ANGPTL1: variants seen among roughly 807,000 people sequenced by gnomAD.
ANGPTL1 encodes angiopoietin-related protein 1.
In ANGPTL1, 36 loss-of-function variants were observed where a neutral mutation model predicts 46.7. The observed-to-expected ratio is 0.77, with a 90% CI of 0.59 to 1.02. The LOEUF (loss-of-function observed/expected upper bound fraction) is 1.02. Among genes scored for constraint, ANGPTL1 ranks in the 50% least tolerant of loss-of-function variants. The probability of loss-of-function intolerance (pLI) is 0.00; values close to 1 mark genes in which losing one functional copy is unlikely to be tolerated. For synonymous variants in ANGPTL1, 221 were observed against 204.3 expected, an observed-to-expected ratio of 1.08 and a Z score of -0.69; for missense variants, 571 against 594.7, an observed-to-expected ratio of 0.96 and a Z score of 0.41.
At chr1:178,858,374 A>T (rs972715234) in intron 3 of ANGPTL1, among the ~76,000 whole-genome samples, 1 of 152,174 alleles carries the variant, frequency 6.6e-6, no homozygotes, top group Non-Finnish European at 1.5e-5. Flanking sequence ...AAAGAAATTA[A>T]TGACAAATAG....
intron 2 of ANGPTL1, among the ~76,000 whole-genome samples, chr1:178,867,551 G>A (rs1442627050): frequency 2.0e-5 from 3 of 152,082 alleles, no homozygotes; most frequent in Non-Finnish European, 4.4e-5. Flanking sequence ...CTAGACCTAT[G>A]ATTTTTACCC....
rs1413224975 is a variant in ANGPTL1, at chr1:178,865,185, C to G, written c.592G>C (p.Glu198Gln). 6.2e-7 allele frequency: 1 copy of G among 1,613,046 alleles called. No homozygotes were observed. The highest frequency in any genetic ancestry group is 1.7e-5 in the Admixed American group (1 of 59,980). Residue 198 changes from glutamate to glutamine, a missense_variant, in exon 3 of 6, where the codon GAA (glutamate) becomes CAA (glutamine). Physicochemically the swap from Glu to Gln is conservative, Grantham distance 29 (BLOSUM62 2). Transcript: ENST00000234816. The part of the protein sequence containing the change: ...NQSVMITLLE[E>Q]QCLRIFSRQD... ...CGGGAAAATATCCTCAAGCACTGTT[C>G]TTCCAACAAAGTGATCATCACAGAT...
At chr1:178,852,384 T>C (rs922059820) in intron 5 of ANGPTL1, among the ~76,000 whole-genome samples, 3 of 152,182 alleles carry the variant, frequency 2.0e-5, no homozygotes, top group African/African-American at 7.2e-5. Flanking sequence ...ACGTGGTAGG[T>C]GTTCAGTTAG....
chr1:178,851,934 G>A (rs1299979241), intron 5 of ANGPTL1, among the ~76,000 whole-genome samples: 1 of 151,986 alleles, frequency 6.6e-6, no homozygotes, highest in Non-Finnish European at 1.5e-5. Context: ...AAGAAACCTG[G>A]GTTAAAAAGT....
intron 2 of ANGPTL1, among the ~76,000 whole-genome samples, chr1:178,867,822 G>A (rs1050872644): frequency 1.2e-4 from 18 of 151,604 alleles, no homozygotes; most frequent in South Asian, 2.1e-4. Flanking sequence ...GACCCCTCCC[G>A]AAAACAAAGG....
At chr1:178,856,801 C>T (rs373642125) in intron 3 of ANGPTL1, among the ~76,000 whole-genome samples, 4 of 152,134 alleles carry the variant, frequency 2.6e-5, no homozygotes, top group African/African-American at 9.6e-5. Flanking sequence ...GATGAATGTA[C>T]AGTCATTTCT....
chr1:178,852,990 G>C (rs765449284), intron 4 of ANGPTL1, 37 bp from the exon 5 acceptor site: 6 of 1,561,112 alleles, frequency 3.8e-6, no homozygotes, highest in Non-Finnish European at 5.2e-6. Flanking sequence ...GCATAAATAA[G>C]TATAGAGATA....
At chr1:178,869,935 A>C (rs1658646537) in intron 1 of ANGPTL1, among the ~76,000 whole-genome samples, 1 of 152,102 alleles carries the variant, frequency 6.6e-6, no homozygotes, top group Non-Finnish European at 1.5e-5. Context: ...AATTATTTCT[A>C]CCTAAAATAT....
intron 5 of ANGPTL1, 98 bp downstream of exon 5, chr1:178,852,584 AC>A: frequency 7.5e-7 from 1 of 1,326,952 alleles, no homozygotes; most frequent in Non-Finnish European, 1.0e-6. Context: ...ACCAAAACTG[AC>A]CTTTTTGAAA....
chr1:178,861,622 C>A (rs1341283916), intron 3 of ANGPTL1, among the ~76,000 whole-genome samples: 1 of 152,108 alleles, frequency 6.6e-6, no homozygotes, highest in East Asian at 1.9e-4. Flanking sequence ...ATAGAATACT[C>A]CATGGCAGTT....
chr1:178,869,723 T>C lies in ANGPTL1; in HGVS notation c.-136-500A>G, dbSNP rs565540156. Among the ~76,000 whole-genome samples the C allele has an allele frequency of 2.4e-4, 37 of 152,268 alleles. No individual in the cohort carries two copies. The South Asian group carries it at 4.8e-3, about 20-fold the overall frequency. The stretch of plus-strand genomic sequence containing the variant: ...GGAAAAAATTTTAGCTTTACCATTA[T>C]TTGCTTGTTCAAGATTCTTAACCAT... On this transcript the variant is annotated intron_variant, in intron 1 of 5. Coordinates refer to ENST00000234816, the MANE Select transcript of ANGPTL1 (RefSeq NM_004673.4).
At position 178,860,989 on chromosome 1, in the gene ANGPTL1, GTAATT is replaced by G. The variant is rs568494682; in HGVS notation, c.823+3960_823+3964del. ...GCCAGCCTATTTGTTGTTGCTTGTA[GTAATT>G]TAATTTAGTAAGCATCACAGAATAT... On this transcript the variant is annotated intron_variant, in intron 3 of 5. Transcript: ENST00000234816. 5.4e-3 allele frequency among the ~76,000 whole-genome samples: 824 copies of G among 152,230 alleles called. 10 individuals are homozygous for G. The highest frequency in any genetic ancestry group is 0.019 in the African/African-American group (788 of 41,514).
rs71108081 is a variant in ANGPTL1 at position 178,856,394 on chromosome 1, A to ATTTTT, written c.824-2612_824-2608dup. Among the ~76,000 whole-genome samples, 96 of 36,430 alleles carry ATTTTT rather than the reference A, an allele frequency of 2.6e-3. 20 individuals carry two copies. The highest frequency in any genetic ancestry group is 0.011 in the African/African-American group (78 of 6,866). The allele number at this position is 36,430 out of a possible 152,430, so 23.9% of individuals were successfully genotyped here. A position where few individuals can be genotyped will look rare whatever the true frequency, so the allele number is the denominator to read the frequency against. ...AGGCAAGTGCCACCCTGCCTGGCTA[A>ATTTTT]TTTTTTTTTTTTTTTTTTTTTTTTT... On this transcript the variant is annotated intron_variant, in intron 3 of 5. Transcript: ENST00000234816.
At chr1:178,862,632 TG>T (rs1558157471) in intron 3 of ANGPTL1, among the ~76,000 whole-genome samples, 4 of 148,100 alleles carry the variant, frequency 2.7e-5, no homozygotes, top group African/African-American at 1.1e-4. Flanking sequence ...TTTATTTATT[TG>T]GTTGGTTGGT....
chr1:178,869,416 A>G (rs974952064), intron 1 of ANGPTL1, 193 bp from the exon 2 acceptor site: 1 of 152,112 alleles, frequency 6.6e-6, no homozygotes, highest in African/African-American at 2.4e-5. Flanking sequence ...CTTGAGAACA[A>G]TCTAATCCCC....
At chr1:178,856,020 GTA>G (rs1390600217) in intron 3 of ANGPTL1, among the ~76,000 whole-genome samples, 1 of 148,676 alleles carries the variant, frequency 6.7e-6, no homozygotes. Flanking sequence ...AACAAAGAAT[GTA>G]TAAAAATTCT....
intron 3 of ANGPTL1, among the ~76,000 whole-genome samples, chr1:178,854,032 A>G (rs1050582095): frequency 6.6e-6 from 1 of 151,970 alleles, no homozygotes; most frequent in Non-Finnish European, 1.5e-5. Flanking sequence ...TTATAATCCT[A>G]ATACATGTAG....
In ANGPTL1 at chr1:178,861,958, C is replaced by T. The variant is rs187843149; in HGVS notation, c.823+2996G>A. On this transcript the variant is annotated intron_variant, in intron 3 of 5. Coordinates refer to ENST00000234816, the MANE Select transcript of ANGPTL1 (RefSeq NM_004673.4). ...TGCGATCTCGGCTCACTGCAACCTC[C>T]GCCCCCCAGGTTCAAGTGATTCTCC... 3.7e-3 allele frequency among the ~76,000 whole-genome samples: 555 copies of T among 151,834 alleles called. 5 individuals are homozygous for T. Among genetic ancestry groups the T allele is most frequent in the African/African-American group, 0.012 (503 of 41,282 alleles).
chr1:178,853,448 A>AT (rs545411847), intron 4 of ANGPTL1, 146 bp downstream of exon 4: 6 of 765,802 alleles, frequency 7.8e-6, no homozygotes, highest in African/African-American at 3.7e-5. Context: ...GATGAGAATC[A>AT]TTTTTTTGAC....
Sources: allele counts gnomAD v4.1 joint callset (sites outside exome capture counted in the v4.1 genomes callset), GRCh38; gene constraint gnomAD v4.1.1; transcripts MANE v1.5; gene names NCBI Gene and HGNC (gene_info 2026-07-23, HGNC 2026-07-21).